The following ARHGAP15 variants were observed in gnomAD, a reference collection of about 807,000 sequenced individuals.
ARHGAP15 encodes the protein Rho GTPase activating protein 15, also known as rho GTPase-activating protein 15.
ARHGAP15 carries 51 observed loss-of-function variants against 63.7 expected under a neutral mutation model. That is an observed-to-expected ratio of 0.80 (90% CI 0.64 to 1.01). The LOEUF (loss-of-function observed/expected upper bound fraction) is 1.01. Among genes scored for constraint, ARHGAP15 ranks in the 50% least tolerant of loss-of-function variants. The probability of loss-of-function intolerance (pLI) is 0.00; values close to 1 mark genes in which losing one functional copy is unlikely to be tolerated. For missense variants in ARHGAP15, 560 were observed against 564.6 expected (o/e 0.99, Z 0.08); for synonymous variants, 191 against 193.8 (o/e 0.99, Z 0.12).
At chr2:143,269,698 A>G (rs948373430) in intron 6 of ARHGAP15, among the ~76,000 whole-genome samples, 1 of 152,146 alleles carries the variant, frequency 6.6e-6, no homozygotes, top group Non-Finnish European at 1.5e-5. Flanking sequence ...TTTTTAAGTC[A>G]AGCTACTTTT....
At chr2:143,603,540 C>G (rs1227782332) in intron 11 of ARHGAP15, among the ~76,000 whole-genome samples, 1 of 151,990 alleles carries the variant, frequency 6.6e-6, no homozygotes, top group Non-Finnish European at 1.5e-5. Context: ...CTAGGGAGAT[C>G]GGGAGCACAT....
intron 6 of ARHGAP15, among the ~76,000 whole-genome samples, chr2:143,266,429 G>T (rs1026988859): frequency 2.0e-5 from 3 of 152,046 alleles, no homozygotes; most frequent in African/African-American, 7.2e-5. Context: ...ACTTTCTATT[G>T]GTGAATACTA....
chr2:143,664,640 G>T (rs1240879813), intron 12 of ARHGAP15, among the ~76,000 whole-genome samples: 2 of 151,648 alleles, frequency 1.3e-5, no homozygotes, highest in Non-Finnish European at 2.9e-5. Context: ...CTGGTTTTTT[G>T]AAAGGATCAA....
At chr2:143,426,349 TC>T (rs1281188965) in intron 6 of ARHGAP15, among the ~76,000 whole-genome samples, 3 of 152,074 alleles carry the variant, frequency 2.0e-5, no homozygotes, top group African/African-American at 7.2e-5. Flanking sequence ...AATATTTAAA[TC>T]CCAGAAGCTT....
chr2:143,740,568 G>A (rs887350977), intron 13 of ARHGAP15, among the ~76,000 whole-genome samples: 1 of 152,002 alleles, frequency 6.6e-6, no homozygotes, highest in African/African-American at 2.4e-5. Flanking sequence ...CCAGGCTGTT[G>A]ATACTGTTTG....
intron 8 of ARHGAP15, among the ~76,000 whole-genome samples, chr2:143,479,106 A>C (rs1184659244): frequency 6.6e-6 from 1 of 152,254 alleles, no homozygotes; most frequent in Non-Finnish European, 1.5e-5. Context: ...AGCTCTCACT[A>C]TGTATGTATA....
Position 143,765,109 on chromosome 2 carries a change from A to ATGTGTGTGTGTG in ARHGAP15, c.1245-2853_1245-2842dup, listed in dbSNP as rs60894627. 6.4e-3 allele frequency among the ~76,000 whole-genome samples: 945 copies of ATGTGTGTGTGTG among 147,598 alleles called. 17 individuals carry two copies. The highest frequency in any genetic ancestry group is 0.023 in the African/African-American group (899 of 39,658). On this transcript the variant is annotated intron_variant, in intron 13 of 13. Coordinates refer to ENST00000295095, the MANE Select transcript of ARHGAP15 (RefSeq NM_018460.4). ...CTATCTCCATATTTGCCTCTAAAATATGTGTGTGTGTGTGTGTGTGTGTGT... is the reference window on the plus strand; with the variant it reads ...CTATCTCCATATTTGCCTCTAAAATATGTGTGTGTGTGTGTGTGTGTGTGTGTGTGTGTGTGT...
intron 6 of ARHGAP15, among the ~76,000 whole-genome samples, chr2:143,279,432 C>T (rs1031727309): frequency 3.9e-5 from 6 of 152,098 alleles, no homozygotes; most frequent in Non-Finnish European, 7.4e-5. Flanking sequence ...TTTGTAAAAA[C>T]AAGCCATGAC....
chr2:143,138,806 A>G (rs566333827), intron 1 of ARHGAP15, among the ~76,000 whole-genome samples: 2 of 152,264 alleles, frequency 1.3e-5, no homozygotes, highest in South Asian at 4.1e-4. Flanking sequence ...GACATAGTAC[A>G]AATAACGAAA....
chr2:143,604,152 A>C (rs1286818180), intron 11 of ARHGAP15, among the ~76,000 whole-genome samples: 2 of 152,250 alleles, frequency 1.3e-5, no homozygotes, highest in Non-Finnish European at 2.9e-5. Flanking sequence ...CCTCAGGCTC[A>C]AATGCAGAAT....
chr2:143,226,904 T>C (rs1013095388), intron 4 of ARHGAP15, among the ~76,000 whole-genome samples: 1 of 152,200 alleles, frequency 6.6e-6, no homozygotes, highest in African/African-American at 2.4e-5. Flanking sequence ...AAAGCTGTCC[T>C]TTCAATCAAG....
At chr2:143,598,544 G>T (rs1227523100) in intron 11 of ARHGAP15, among the ~76,000 whole-genome samples, 3 of 152,096 alleles carry the variant, frequency 2.0e-5, no homozygotes, top group Non-Finnish European at 4.4e-5. Context: ...CCACCCAATA[G>T]GTATATAGCC....
chr2:143,762,355 G>T (rs922396002), intron 13 of ARHGAP15, among the ~76,000 whole-genome samples: 17 of 152,238 alleles, frequency 1.1e-4, no homozygotes, highest in Admixed American at 9.8e-4. Flanking sequence ...GTCATAAAAG[G>T]GGAGTTTCTT....
chr2:143,426,711 C>T (rs1390385245), intron 6 of ARHGAP15, among the ~76,000 whole-genome samples: 2 of 152,106 alleles, frequency 1.3e-5, no homozygotes, highest in African/African-American at 2.4e-5. Flanking sequence ...CTTTGGGTAG[C>T]GAGTCCCCAA....
intron 13 of ARHGAP15, among the ~76,000 whole-genome samples, chr2:143,723,675 C>A (rs1298439687): frequency 6.6e-6 from 1 of 152,136 alleles, no homozygotes; most frequent in Non-Finnish European, 1.5e-5. Flanking sequence ...TATCACACAT[C>A]GGTCAACTTA....
intron 12 of ARHGAP15, among the ~76,000 whole-genome samples, chr2:143,684,731 A>G (rs1210276017): frequency 3.9e-5 from 6 of 152,334 alleles, no homozygotes; most frequent in African/African-American, 1.4e-4. Context: ...TTGCTTTAAG[A>G]TTCCCATCAA....
chr2:143,245,919 A>G (rs554962155), intron 5 of ARHGAP15, among the ~76,000 whole-genome samples: 1 of 152,282 alleles, frequency 6.6e-6, no homozygotes, highest in African/African-American at 2.4e-5. Flanking sequence ...ATGGGAGTTT[A>G]TTAGACAGAT....
chr2:143,451,581 G>A (rs1340943944), intron 8 of ARHGAP15, among the ~76,000 whole-genome samples: 2 of 151,744 alleles, frequency 1.3e-5, no homozygotes, highest in Non-Finnish European at 2.9e-5. Context: ...AAAATCAAAA[G>A]TAGACATATT....
At chr2:143,239,990 CA>C (rs60960176) in intron 5 of ARHGAP15, among the ~76,000 whole-genome samples, 789 of 26,370 alleles carry the variant, frequency 0.03, 1 homozygote, top group African/African-American at 0.045. Context: ...GACTCTGTCT[CA>C]AAAAAAAAAA....
Sources: gnomAD v4.1 joint callset for allele counts (sites outside exome capture counted in the v4.1 genomes callset) on GRCh38, gnomAD v4.1.1 for gene constraint, MANE v1.5 for transcripts, NCBI Gene and HGNC (gene_info 2026-07-23, HGNC 2026-07-21) for gene names.